The following INTS9 variants were observed in gnomAD, a reference collection of about 807,000 sequenced individuals.
INTS9 encodes protein related to CPSF subunits of 74 kDa.
In INTS9, 55 loss-of-function variants were observed where a neutral mutation model predicts 79.7. That is an observed-to-expected ratio of 0.69 (90% CI 0.56 to 0.86). The LOEUF (loss-of-function observed/expected upper bound fraction) is 0.86, where lower values mean the gene tolerates loss of function less well. Among genes scored for constraint, INTS9 ranks in the 40% least tolerant of loss-of-function variants. The pLI is 0.00. For missense variants in INTS9, 721 were observed against 831.5 expected (o/e 0.87, Z 1.64); for synonymous variants, 319 against 325.2 (o/e 0.98, Z 0.20).
At chr8:28,855,299 G>C (rs890697128) in intron 2 of INTS9, among the ~76,000 whole-genome samples, 2 of 152,250 alleles carry the variant, frequency 1.3e-5, no homozygotes, top group Non-Finnish European at 2.9e-5. Context: ...AGGGGCAGGC[G>C]TGAAGCCTGA....
intron 14 of INTS9, 135 bp downstream of exon 14, chr8:28,775,623 AT>A: frequency 1.0e-6 from 1 of 958,616 alleles, no homozygotes; most frequent in Admixed American, 2.4e-5. Context: ...AAGTGCTGGG[AT>A]TATAGGCGTG....
At chr8:28,832,917 T>G (rs1398895739) in intron 6 of INTS9, among the ~76,000 whole-genome samples, 33 of 151,864 alleles carry the variant, frequency 2.2e-4, no homozygotes, top group Non-Finnish European at 1.5e-5. Flanking sequence ...GAGCCGAAAT[T>G]GCACCACTGC....
chr8:28,876,914 T>C (rs1226119422), intron 1 of INTS9, among the ~76,000 whole-genome samples: 1 of 151,728 alleles, frequency 6.6e-6, no homozygotes, highest in Non-Finnish European at 1.5e-5. Context: ...TAGCAAAAGG[T>C]TTTAAAATGC....
intron 11 of INTS9, among the ~76,000 whole-genome samples, chr8:28,786,046 A>G (rs1242976704): frequency 6.6e-6 from 1 of 152,206 alleles, no homozygotes; most frequent in Non-Finnish European, 1.5e-5. Context: ...CTGGCATCTA[A>G]TACCACAGAT....
At position 28,807,602 on chromosome 8, in the gene INTS9, T is replaced by G. The variant is rs144814020; in HGVS notation, c.744+4725A>C. Among the ~76,000 whole-genome samples the G allele has an allele frequency of 8.3e-3, 1,262 of 152,338 alleles. 11 individuals carry two copies. The highest frequency in any genetic ancestry group is 0.029 in the African/African-American group (1,205 of 41,580). ...GAGAAAAGCTAACACTGCAGTTCAC[T>G]ACATTAATGGTCTCAAAGGAGAGAA... On this transcript the variant is annotated intron_variant, in intron 8 of 16. Coordinates refer to ENST00000521022, the MANE Select transcript of INTS9 (RefSeq NM_018250.4).
intron 11 of INTS9, among the ~76,000 whole-genome samples, chr8:28,786,284 ATTT>A (rs778149304): frequency 1.4e-5 from 2 of 143,388 alleles, no homozygotes; most frequent in Non-Finnish European, 1.5e-5. Context: ...AAAATTTTAG[ATTT>A]TTTTTTTTTT....
At chr8:28,795,533 G>T (rs998920805) in intron 9 of INTS9, among the ~76,000 whole-genome samples, 1 of 150,744 alleles carries the variant, frequency 6.6e-6, no homozygotes, top group Admixed American at 6.6e-5. Flanking sequence ...CCAGCTACTC[G>T]GGAGGCTGAA....
intron 1 of INTS9, among the ~76,000 whole-genome samples, chr8:28,866,772 C>T (rs887889941): frequency 2.0e-5 from 3 of 148,592 alleles, no homozygotes; most frequent in Non-Finnish European, 3.0e-5. Flanking sequence ...GTCAGGAGAT[C>T]GAGACCATCC....
Position 28,850,232 on chromosome 8 carries a change from C to T in INTS9, c.179G>A (p.Gly60Glu). The T allele has an allele frequency of 6.2e-7, 1 of 1,613,748 alleles. No homozygotes were observed. The highest frequency in any genetic ancestry group is 8.5e-7 in the Non-Finnish European group (1 of 1,179,712). The change falls in exon 3 of 17, where the codon GGA becomes GAA. Residue 60 changes from glycine to glutamate, a missense_variant. Transcript: ENST00000521022. ...TATTACCTTGTCCAAGAAAGCATTTCCATCCTTCAGGGACCAGCCAGGAAG... is the reference window on the plus strand; with the variant it reads ...TATTACCTTGTCCAAGAAAGCATTTTCATCCTTCAGGGACCAGCCAGGAAG... ...SNLPGWSLKD[G>E]NAFLDKELKE...
chr8:28,861,885 G>A (rs1307915438), intron 1 of INTS9, among the ~76,000 whole-genome samples: 1 of 152,246 alleles, frequency 6.6e-6, no homozygotes, highest in African/African-American at 2.4e-5. Context: ...CTGACGAAAG[G>A]TGCCAGGCAC....
At chr8:28,820,701 C>G (rs1491000190) in intron 6 of INTS9, among the ~76,000 whole-genome samples, 1 of 152,128 alleles carries the variant, frequency 6.6e-6, no homozygotes, top group Non-Finnish European at 1.5e-5. Context: ...TGCAGGAACT[C>G]AGGGAATATT....
intron 8 of INTS9, among the ~76,000 whole-genome samples, chr8:28,806,885 G>A (rs183127749): frequency 3.7e-4 from 56 of 152,068 alleles, no homozygotes; most frequent in African/African-American, 1.2e-3. Context: ...CTAAGAAACC[G>A]GTTGCTTTAA....
At position 28,834,676 on chromosome 8, in the gene INTS9, G is replaced by GTT. The variant is rs35112754; in HGVS notation, c.488+614_488+615dup. On this transcript the variant is annotated intron_variant, in intron 6 of 16. Transcript: ENST00000521022. ...CCTACAGCACTGGGGGCAAACATCT[G>GTT]TTTTTTTTTTTTTTTTTGAGACAGA... Among the ~76,000 whole-genome samples the GTT allele has an allele frequency of 1.3e-3, 168 of 134,130 alleles. 2 individuals are homozygous for GTT. Among genetic ancestry groups the GTT allele is most frequent in the Middle Eastern group, 3.8e-3 (1 of 260 alleles). 88.0% of individuals were successfully genotyped at this position (134,130 alleles called of 152,430 possible).
intron 12 of INTS9, among the ~76,000 whole-genome samples, chr8:28,778,276 C>A (rs529600313): frequency 1.3e-5 from 2 of 152,344 alleles, no homozygotes; most frequent in East Asian, 3.9e-4. Context: ...CACCGTTTGG[C>A]AACCATTACA....
In INTS9 at chr8:28,796,540, A is replaced by G. The variant is rs1347342559; in HGVS notation, c.856+4T>C. The stretch of plus-strand genomic sequence containing the variant: ...CCAACGTAAGATGAGAGACGGTTGC[A>G]CACCTAGGTTGCTGCAGAACTCTCC... On this transcript the variant is annotated splice_donor_region_variant and intron_variant, in intron 9 of 16. Transcript: ENST00000521022. 6.5e-7 allele frequency: 1 copy of G among 1,545,284 alleles called. No homozygotes were observed. Among genetic ancestry groups the G allele is most frequent in the East Asian group, 2.2e-5 (1 of 44,544 alleles).
intron 8 of INTS9, among the ~76,000 whole-genome samples, chr8:28,811,712 C>T (rs1032011059): frequency 3.9e-5 from 6 of 152,170 alleles, no homozygotes; most frequent in Admixed American, 1.3e-4. Context: ...TGAGCCACCG[C>T]GCCCAGCCGA....
chr8:28,828,016 A>G (rs1806253100), intron 6 of INTS9, among the ~76,000 whole-genome samples: 1 of 152,208 alleles, frequency 6.6e-6, no homozygotes, highest in Non-Finnish European at 1.5e-5. Flanking sequence ...TGAAACGGTG[A>G]AGTGACCAGA....
chr8:28,850,113 A>T (rs1807748243), intron 3 of INTS9, 100 bp downstream of exon 3: 1 of 848,598 alleles, frequency 1.2e-6, no homozygotes, highest in African/African-American at 1.7e-5. Flanking sequence ...AGGAAAAAAA[A>T]AAAAAGCCAT....
At chr8:28,861,791 T>C (rs1383224741) in intron 1 of INTS9, among the ~76,000 whole-genome samples, 1 of 152,274 alleles carries the variant, frequency 6.6e-6, no homozygotes, top group Non-Finnish European at 1.5e-5. Context: ...TTACTTTTGT[T>C]ACTGTCCTTA....
Sources: allele counts gnomAD v4.1 joint callset (sites outside exome capture counted in the v4.1 genomes callset), GRCh38; gene constraint gnomAD v4.1.1; transcripts MANE v1.5; gene names NCBI Gene and HGNC (gene_info 2026-07-23, HGNC 2026-07-21).